Variants in TCF12 observed in about 807,000 individuals in gnomAD.
The protein encoded by TCF12 is DNA-binding protein HTF4.
In TCF12, 45 loss-of-function variants were observed where a neutral mutation model predicts 86.0. The ratio of observed to expected loss-of-function variants is 0.52; its 90% CI spans 0.41 to 0.67. TCF12 has a LOEUF of 0.67. TCF12 is among the 30% of genes least tolerant of loss of function. The pLI is 0.00. For synonymous variants in TCF12, 330 were observed against 299.6 expected (o/e 1.10, Z -1.05); for missense variants, 881 against 859.9 (o/e 1.02, Z -0.31).
intron 8 of TCF12, among the ~76,000 whole-genome samples, chr15:57,200,933 G>T (rs564792203): frequency 1.3e-4 from 20 of 152,142 alleles, no homozygotes; most frequent in Non-Finnish European, 2.8e-4. Context: ...TGGCTGTATA[G>T]CCTTAGATTA....
intron 6 of TCF12, among the ~76,000 whole-genome samples, chr15:57,179,318 C>T (rs1314483249): frequency 1.3e-5 from 2 of 152,078 alleles, no homozygotes; most frequent in African/African-American, 2.4e-5. Context: ...AACCCCATCT[C>T]TACTAGAAAT....
chr15:56,938,715 C>A (rs996218391), intron 3 of TCF12, among the ~76,000 whole-genome samples: 1 of 150,236 alleles, frequency 6.7e-6, no homozygotes, highest in Non-Finnish European at 1.5e-5. Flanking sequence ...TTGATTAGGG[C>A]CCCCCTTCAT....
chr15:56,981,407 AGC>A (rs1375059336), intron 3 of TCF12, among the ~76,000 whole-genome samples: 1 of 152,204 alleles, frequency 6.6e-6, no homozygotes. Flanking sequence ...GAAGAGCAGA[AGC>A]AAGAGAACAA....
chr15:57,287,665 A>G lies in TCF12; in HGVS notation c.*1520A>G, dbSNP rs1204866934. On this transcript the variant is annotated 3_prime_UTR_variant, in exon 21 of 21. Coordinates refer to ENST00000333725, the MANE Select transcript of TCF12 (RefSeq NM_207037.2). ...GCCAATATCAACAGTGGCAATCAGC[A>G]CACAGAGGAAAGGACCCAAATCACT... 6.5e-6 allele frequency: 1 copy of G among 152,672 alleles called. No homozygotes were observed. Among genetic ancestry groups the G allele is most frequent in the African/African-American group, 2.4e-5 (1 of 41,466 alleles). The allele number at this position is 152,672 out of a possible 1,614,324, so 9.5% of individuals were successfully genotyped here. A position where few individuals can be genotyped will look rare whatever the true frequency, so the allele number is the denominator to read the frequency against.
chr15:57,242,039 T>C (rs530551312), intron 12 of TCF12, among the ~76,000 whole-genome samples: 2 of 89,248 alleles, frequency 2.2e-5, no homozygotes, highest in South Asian at 1.0e-3. Flanking sequence ...TATAGTTTTG[T>C]TGTATATGAA....
chr15:57,075,092 T>G (rs1251929421), intron 4 of TCF12, among the ~76,000 whole-genome samples: 2 of 152,214 alleles, frequency 1.3e-5, no homozygotes, highest in African/African-American at 4.8e-5. Flanking sequence ...GTTTGTTGCT[T>G]TGTGCACGGA....
chr15:57,053,242 A>G (rs1418675470), intron 3 of TCF12, among the ~76,000 whole-genome samples: 3 of 152,176 alleles, frequency 2.0e-5, no homozygotes, highest in African/African-American at 7.2e-5. Context: ...CTTTTCATAT[A>G]CCTGTTAGCC....
chr15:57,021,025 C>G (rs557137673), intron 3 of TCF12, among the ~76,000 whole-genome samples: 8 of 152,286 alleles, frequency 5.3e-5, no homozygotes, highest in Admixed American at 1.3e-4. Context: ...ATGTTTACTT[C>G]TTTCCCTATA....
At chr15:57,246,819 A>G (rs1372445707) in intron 13 of TCF12, 2 of 340,414 alleles carry the variant, frequency 5.9e-6, no homozygotes, top group South Asian at 2.4e-5. Context: ...TTTTCTGACT[A>G]TGGATCATTG....
intron 3 of TCF12, among the ~76,000 whole-genome samples, chr15:57,011,482 T>TTGCAG (rs2064827291): frequency 6.6e-6 from 1 of 152,188 alleles, no homozygotes; most frequent in Non-Finnish European, 1.5e-5. Context: ...GTGAGCCAAT[T>TTGCAG]AAACCTCTGT....
At chr15:57,192,479 C>T (rs1424328854) in intron 7 of TCF12, among the ~76,000 whole-genome samples, 186 bp downstream of exon 7, 1 of 152,170 alleles carries the variant, frequency 6.6e-6, no homozygotes, top group African/African-American at 2.4e-5. Flanking sequence ...GTCTCAACCT[C>T]CTGTGCTCAA....
intron 3 of TCF12, among the ~76,000 whole-genome samples, chr15:56,942,885 C>T (rs1385203877): frequency 6.6e-6 from 1 of 152,168 alleles, no homozygotes; most frequent in South Asian, 2.1e-4. Context: ...CTTTCACCAA[C>T]CTTCTAGGTG....
At chr15:57,210,741 A>G (rs1362078269) in intron 8 of TCF12, among the ~76,000 whole-genome samples, 1 of 152,166 alleles carries the variant, frequency 6.6e-6, no homozygotes, top group Non-Finnish European at 1.5e-5. Context: ...CGTCCTCAAG[A>G]TCGCGCACCT....
At position 57,247,734 on chromosome 15, in the gene TCF12, C is replaced by A. The variant is rs1597612360; in HGVS notation, c.1115-3616C>A. 6.8e-6 allele frequency: 5 copies of A among 731,588 alleles called. No homozygotes were observed. The East Asian group carries it at 1.2e-4, about 18-fold the overall frequency. 45.3% of individuals were successfully genotyped at this position (731,588 alleles called of 1,614,324 possible). On this transcript the variant is annotated intron_variant, in intron 13 of 20. Coordinates refer to ENST00000333725, the MANE Select transcript of TCF12 (RefSeq NM_207037.2). ...TCTATAGAAAGAGCTCTCTTTGGTT[C>A]CACTACACACCTGTCAGCCTTGTGT... is the stretch of plus-strand genomic sequence containing the variant.
intron 8 of TCF12, chr15:57,219,717 T>TTTA: frequency 1.0e-5 from 7 of 684,966 alleles, no homozygotes; most frequent in Non-Finnish European, 1.5e-5. Context: ...AGATTGTAGA[T>TTTA]TTCTTTTTTT....
At chr15:57,268,714 CAT>C (rs1313279943) in intron 18 of TCF12, among the ~76,000 whole-genome samples, 1 of 151,984 alleles carries the variant, frequency 6.6e-6, no homozygotes, top group African/African-American at 2.4e-5. Flanking sequence ...GCATCTCCCT[CAT>C]ATGTTTTTTT....
intron 3 of TCF12, among the ~76,000 whole-genome samples, chr15:57,038,509 C>G (rs555238469): frequency 2.4e-3 from 363 of 152,174 alleles, no homozygotes; most frequent in South Asian, 5.4e-3. Context: ...TATCTGGGTA[C>G]TATTTCGTGA....
chr15:57,165,619 C>T (rs2054834575), intron 5 of TCF12, among the ~76,000 whole-genome samples: 1 of 151,904 alleles, frequency 6.6e-6, no homozygotes, highest in Non-Finnish European at 1.5e-5. Flanking sequence ...TCACTGCAAC[C>T]TCCGCCTCCT....
chr15:57,251,255 T>A (rs2060103553), intron 13 of TCF12, 95 bp from the exon 14 acceptor site: 3 of 1,008,388 alleles, frequency 3.0e-6, no homozygotes, highest in Non-Finnish European at 3.0e-6. Context: ...TCATGTAAAT[T>A]TATTTAGTTA....
Sources: gnomAD v4.1 joint callset for allele counts (sites outside exome capture counted in the v4.1 genomes callset) on GRCh38, gnomAD v4.1.1 for gene constraint, MANE v1.5 for transcripts, NCBI Gene and HGNC (gene_info 2026-07-23, HGNC 2026-07-21) for gene names.